The following CD1B variants were observed in gnomAD, a reference collection of about 807,000 sequenced individuals.
CD1B encodes the protein CD1b molecule.
A neutral mutation model predicts 39.8 loss-of-function variants in CD1B; 43 were observed. The observed-to-expected ratio is 1.08, with a 90% confidence interval of 0.85 to 1.39. CD1B has a LOEUF of 1.39. Among genes scored for constraint, CD1B ranks in the 40% most tolerant of loss-of-function variants. CD1B has a pLI of 0.00. For missense variants in CD1B, 495 were observed against 403.8 expected (o/e 1.23, Z -1.94); for synonymous variants, 192 against 152.5 (o/e 1.26, Z -1.91).
chr1:158,330,579 CAGTCTGAGAGTAAGAGAA>C, intron 2 of CD1B, 199 bp downstream of exon 2: 1 of 701,680 alleles, frequency 1.4e-6, no homozygotes, highest in Non-Finnish European at 2.6e-6. Flanking sequence ...AAGTGGAAGA[CAGTCTGAGAGTAAGAGAA>C]GAGTGCAGAG....
At chr1:158,321,240 CT>C in the CD1B span, among the ~76,000 whole-genome samples, 16 of 152,218 alleles carry the variant, frequency 1.1e-4, no homozygotes, top group South Asian at 4.1e-4. Flanking sequence ...GTATTTACCC[CT>C]GTATCAGTTT....
chr1:158,330,046 C>T lies in CD1B; in HGVS notation c.413G>A (p.Gly138Glu). The change falls in exon 3 of 6, where the codon GGA (glycine) becomes GAA (glutamate). Residue 138 changes from glycine to glutamate, a missense_variant. By Grantham distance (98) the Gly-to-Glu change is moderately conservative (BLOSUM62 -2). Coordinates refer to ENST00000368168, the MANE Select transcript of CD1B (RefSeq NM_001764.3). ...IVSFLRGALG[G>E]LDFLSVKNAS... Reference sequence around the variant, plus strand: ...ATTCTTGACACTCAGGAAATCCAATCCTCCTAGAGCTCCCCTCAGGAAGCT... The same window carrying T: ...ATTCTTGACACTCAGGAAATCCAATTCTCCTAGAGCTCCCCTCAGGAAGCT... The T allele has an allele frequency of 6.2e-7, 1 of 1,614,004 alleles. No individual in the cohort carries two copies. The highest frequency in any genetic ancestry group is 8.5e-7 in the Non-Finnish European group (1 of 1,179,940).
chr1:158,310,106 A>T, the CD1B span, among the ~76,000 whole-genome samples: 5 of 152,266 alleles, frequency 3.3e-5, no homozygotes, highest in Non-Finnish European at 5.9e-5. Context: ...GCATGGTACT[A>T]GTAGAAAAAC....
At chr1:158,330,454 T>G in intron 2 of CD1B, 1 of 551,122 alleles carries the variant, frequency 1.8e-6, no homozygotes, top group Non-Finnish European at 3.3e-6. Context: ...GAGGAGATGA[T>G]TGAAAAGATG....
the CD1B span, among the ~76,000 whole-genome samples, chr1:158,316,948 G>A: frequency 6.6e-6 from 1 of 151,200 alleles, no homozygotes; most frequent in Non-Finnish European, 1.5e-5. Context: ...CTGTTTATAT[G>A]CTGGATTACA....
intron 5 of CD1B, 107 bp from the exon 6 acceptor site, chr1:158,328,364 C>T (rs761187574): frequency 1.2e-6 from 1 of 813,792 alleles, no homozygotes; most frequent in Non-Finnish European, 2.0e-6. Flanking sequence ...ACCCAAGTGT[C>T]CATAGATAGA....
chr1:158,327,759 A>G (rs537476410), downstream of CD1B, among the ~76,000 whole-genome samples: 2 of 152,342 alleles, frequency 1.3e-5, no homozygotes, highest in African/African-American at 4.8e-5. Flanking sequence ...AGGAAGAAAC[A>G]TCTCAGCTGA....
chr1:158,321,269 C>CT, the CD1B span, among the ~76,000 whole-genome samples: 2 of 152,020 alleles, frequency 1.3e-5, no homozygotes, highest in South Asian at 2.1e-4. Context: ...GCATATTTGT[C>CT]TTTTTTTACA....
At chr1:158,308,448 C>A in the CD1B span, among the ~76,000 whole-genome samples, 4 of 152,184 alleles carry the variant, frequency 2.6e-5, no homozygotes, top group Non-Finnish European at 5.9e-5. Context: ...ATCAAGTTAC[C>A]AATGACTTTC....
chr1:158,286,182 C>T, the CD1B span, among the ~76,000 whole-genome samples: 6 of 152,046 alleles, frequency 3.9e-5, no homozygotes, highest in Non-Finnish European at 7.4e-5. Flanking sequence ...TGGGCTCCCT[C>T]GGGACAACCC....
At chr1:158,286,441 T>C in the CD1B span, among the ~76,000 whole-genome samples, 1 of 152,226 alleles carries the variant, frequency 6.6e-6, no homozygotes, top group Admixed American at 6.5e-5. Flanking sequence ...CTCTTGTGTA[T>C]AAAATTGTCA....
At chr1:158,292,963 AG>A in the CD1B span, 6 of 1,276,118 alleles carry the variant, frequency 4.7e-6, no homozygotes, top group Non-Finnish European at 6.6e-6. Context: ...GACCTAGGTG[AG>A]GGATTGTAGG....
At chr1:158,314,553 G>A in the CD1B span, among the ~76,000 whole-genome samples, 1 of 152,052 alleles carries the variant, frequency 6.6e-6, no homozygotes, top group Non-Finnish European at 1.5e-5. Context: ...GAGGTTATCT[G>A]AAATCTTTCT....
chr1:158,330,766 A>G, intron 2 of CD1B, 30 bp downstream of exon 2: 1 of 1,610,126 alleles, frequency 6.2e-7, no homozygotes, highest in South Asian at 1.1e-5. Flanking sequence ...AGTCCTTGAG[A>G]CTCTTCCCAG....
At position 158,329,354 on chromosome 1, in the gene CD1B, C is replaced by G. The variant is rs1652487713; in HGVS notation, c.886+16G>C. 2.5e-6 allele frequency: 4 copies of G among 1,603,844 alleles called. No individual in the cohort carries two copies. In the East Asian group the frequency reaches 6.7e-5, roughly 27 times the overall value. On this transcript the variant is annotated intron_variant, in intron 4 of 5. Coordinates refer to ENST00000368168, the MANE Select transcript of CD1B (RefSeq NM_001764.3). The stretch of plus-strand genomic sequence containing the variant: ...ACTTCCTGGCATTTCCAGCCTGGGT[C>G]CCTGCTATTTCTTACTCCAGTAGAG...
At chr1:158,331,256 A>G (rs1652591604) in intron 1 of CD1B, 107 bp downstream of exon 1, 1 of 1,180,340 alleles carries the variant, frequency 8.5e-7, no homozygotes, top group Non-Finnish European at 1.2e-6. Flanking sequence ...GGCGGGAGAC[A>G]GAAAGACCCA....
the CD1B span, chr1:158,293,323 C>T: frequency 6.3e-7 from 1 of 1,599,638 alleles, no homozygotes; most frequent in South Asian, 1.1e-5. Flanking sequence ...TGTATTTCCT[C>T]CTCTCCTCCC....
the CD1B span, among the ~76,000 whole-genome samples, chr1:158,317,406 G>A: frequency 6.6e-5 from 10 of 152,166 alleles, no homozygotes; most frequent in South Asian, 4.2e-4. Context: ...TGTATGTGTC[G>A]AGGAATTTAT....
At chr1:158,288,007 C>T in the CD1B span, among the ~76,000 whole-genome samples, 6 of 152,176 alleles carry the variant, frequency 3.9e-5, no homozygotes, top group African/African-American at 1.4e-4. Context: ...GACCTTAACC[C>T]AACTATTAGG....
Sources: gnomAD v4.1 joint callset for allele counts (sites outside exome capture counted in the v4.1 genomes callset) on GRCh38, gnomAD v4.1.1 for gene constraint, MANE v1.5 for transcripts, NCBI Gene and HGNC (gene_info 2026-07-23, HGNC 2026-07-21) for gene names.